The following CMC1 variants were observed in gnomAD, a reference collection of about 807,000 sequenced individuals.
CMC1 encodes the protein C-X9-C motif containing 1.
In CMC1, 14 loss-of-function variants were observed where a neutral mutation model predicts 14.1. That is an observed-to-expected ratio of 0.99 (90% CI 0.66 to 1.55). The LOEUF (loss-of-function observed/expected upper bound fraction) is 1.55. Among genes scored for constraint, CMC1 ranks in the 40% most tolerant of loss-of-function variants. The probability of loss-of-function intolerance (pLI) is 0.00; values close to 1 mark genes in which losing one functional copy is unlikely to be tolerated. For missense variants in CMC1, 127 were observed against 123.8 expected, an observed-to-expected ratio of 1.03 and a Z score of -0.12; for synonymous variants, 50 against 38.4, an observed-to-expected ratio of 1.30 and a Z score of -1.12.
chr3:28,251,691 A>C (rs1198571574), intron 1 of CMC1, among the ~76,000 whole-genome samples: 1 of 152,196 alleles, frequency 6.6e-6, no homozygotes, highest in African/African-American at 2.4e-5. Context: ...CCATTATCAA[A>C]GTATTATATT....
chr3:28,283,620 A>G (rs2125526811), intron 2 of CMC1, among the ~76,000 whole-genome samples: 1 of 151,756 alleles, frequency 6.6e-6, no homozygotes, highest in Middle Eastern at 3.4e-3. Context: ...TTGCTTTTAT[A>G]GTTGTCTTTT....
chr3:28,290,001 A>G (rs1403539305), intron 2 of CMC1, among the ~76,000 whole-genome samples: 1 of 152,134 alleles, frequency 6.6e-6, no homozygotes, highest in Middle Eastern at 3.2e-3. Context: ...ACTTGCCTCC[A>G]TTACAAGAAA....
intron 1 of CMC1, among the ~76,000 whole-genome samples, chr3:28,251,891 T>C (rs1397010760): frequency 2.0e-5 from 3 of 152,212 alleles, no homozygotes; most frequent in African/African-American, 7.2e-5. Context: ...TTTATTACTT[T>C]CTCAAATGTC....
intron 2 of CMC1, among the ~76,000 whole-genome samples, chr3:28,305,216 A>T (rs1268866051): frequency 2.6e-5 from 4 of 152,128 alleles, no homozygotes; most frequent in African/African-American, 9.7e-5. Context: ...TCCACTTAGG[A>T]TAATGGCCTC....
intron 1 of CMC1, among the ~76,000 whole-genome samples, chr3:28,252,843 A>G (rs1272581331): frequency 6.6e-6 from 1 of 152,186 alleles, no homozygotes; most frequent in Non-Finnish European, 1.5e-5. Flanking sequence ...AATGAAATCA[A>G]AATACTTACC....
intron 2 of CMC1, chr3:28,294,443 AT>A: frequency 2.1e-6 from 2 of 967,316 alleles, no homozygotes; most frequent in Non-Finnish European, 2.5e-6. Context: ...GGACAAGTAA[AT>A]TTTTGTGAAA....
At chr3:28,280,046 G>A (rs1700800962) in intron 2 of CMC1, among the ~76,000 whole-genome samples, 1 of 152,172 alleles carries the variant, frequency 6.6e-6, no homozygotes, top group African/African-American at 2.4e-5. Flanking sequence ...ACTAATTGTG[G>A]TGTACTTGTA....
At chr3:28,257,522 T>A (rs1699476965) in intron 1 of CMC1, among the ~76,000 whole-genome samples, 1 of 152,174 alleles carries the variant, frequency 6.6e-6, no homozygotes, top group South Asian at 2.1e-4. Flanking sequence ...ACTTATATTT[T>A]CTTTTTTTTG....
chr3:28,306,326 T>G (rs1349144066), intron 2 of CMC1, among the ~76,000 whole-genome samples: 1 of 152,162 alleles, frequency 6.6e-6, no homozygotes, highest in Non-Finnish European at 1.5e-5. Context: ...GAGCATGGGT[T>G]GTTTTTTCAT....
chr3:28,300,659 C>T (rs1577074474), intron 2 of CMC1, among the ~76,000 whole-genome samples: 1 of 97,236 alleles, frequency 1.0e-5, no homozygotes, highest in Non-Finnish European at 2.0e-5. Context: ...ATCCCTTTCC[C>T]TCCCTTTCCC....
intron 1 of CMC1, among the ~76,000 whole-genome samples, chr3:28,245,240 T>C (rs1377778506): frequency 2.6e-5 from 4 of 152,166 alleles, no homozygotes. Context: ...AGCGAAAAAA[T>C]GCAGGTTACA....
In CMC1 at chr3:28,321,562, C is replaced by G. The variant is rs1436030066; in HGVS notation, c.*1933C>G. ...ATCTGTCTCAGTTGTGTCTTGCTTG[C>G]TTATGGGTGCCTCTGTTGATATTAT... On this transcript the variant is annotated 3_prime_UTR_variant, in exon 4 of 4. Transcript: ENST00000466830. 2 of 151,304 alleles carry G rather than the reference C, an allele frequency of 1.3e-5. No individual in the cohort carries two copies. Among genetic ancestry groups the G allele is most frequent in the Non-Finnish European group, 3.0e-5 (2 of 67,528 alleles). The allele number at this position is 151,304 out of a possible 1,614,324, so 9.4% of individuals were successfully genotyped here. A position where few individuals can be genotyped will look rare whatever the true frequency, so the allele number is the denominator to read the frequency against.
rs1703155678 is a variant in CMC1, at chr3:28,320,586, C to T, written c.*957C>T. The T allele has an allele frequency of 1.3e-5, 2 of 151,512 alleles. No individual in the cohort carries two copies. Among genetic ancestry groups the T allele is most frequent in the African/African-American group, 2.4e-5 (1 of 41,346 alleles). The allele number at this position is 151,512 out of a possible 1,614,324, so 9.4% of individuals were successfully genotyped here. A position where few individuals can be genotyped will look rare whatever the true frequency, so the allele number is the denominator to read the frequency against. ...TCTTGGGGGACACATCAAACCATAG[C>T]AGAACCATAGATAAGGAGATACCTA... On this transcript the variant is annotated 3_prime_UTR_variant, in exon 4 of 4. Transcript: ENST00000466830.
chr3:28,248,765 C>T (rs545235429), intron 1 of CMC1, among the ~76,000 whole-genome samples: 17 of 152,060 alleles, frequency 1.1e-4, no homozygotes, highest in Non-Finnish European at 2.2e-4. Flanking sequence ...AACATTCTCC[C>T]CGACAATCCT....
At chr3:28,260,541 G>A (rs1699683321) in intron 1 of CMC1, among the ~76,000 whole-genome samples, 1 of 150,690 alleles carries the variant, frequency 6.6e-6, no homozygotes, top group African/African-American at 2.5e-5. Flanking sequence ...TCTCGAACCA[G>A]CTTTAATTTC....
chr3:28,298,105 G>A (rs1701837777), intron 2 of CMC1: 1 of 151,582 alleles, frequency 6.6e-6, no homozygotes, highest in African/African-American at 2.4e-5. Context: ...TGCATAGGTA[G>A]CCCAGCCTGA....
intron 2 of CMC1, among the ~76,000 whole-genome samples, chr3:28,263,883 T>C (rs2092230419): frequency 6.6e-6 from 1 of 152,154 alleles, no homozygotes; most frequent in Non-Finnish European, 1.5e-5. Context: ...TGGAAGATAT[T>C]TATGTAAATA....
At chr3:28,294,417 T>A in intron 2 of CMC1, 1 of 814,144 alleles carries the variant, frequency 1.2e-6, no homozygotes, top group Non-Finnish European at 1.5e-6. Context: ...AATAAATTTT[T>A]CTCTTTTACA....
intron 2 of CMC1, among the ~76,000 whole-genome samples, chr3:28,291,110 A>G (rs7624015): frequency 0.2 from 29,880 of 152,134 alleles, 3,259 homozygotes; most frequent in Admixed American, 0.27. Flanking sequence ...AGGCAAGCCA[A>G]GAAGACCAGA....
Sources: gnomAD v4.1 joint callset for allele counts (sites outside exome capture counted in the v4.1 genomes callset) on GRCh38, gnomAD v4.1.1 for gene constraint, MANE v1.5 for transcripts, NCBI Gene and HGNC (gene_info 2026-07-23, HGNC 2026-07-21) for gene names.